VWA8: variants seen among roughly 807,000 people sequenced by gnomAD.
VWA8 encodes the protein von Willebrand factor A domain-containing protein 8.
A neutral mutation model predicts 241.5 loss-of-function variants in VWA8; 221 were observed. The observed-to-expected ratio is 0.91, with a 90% CI of 0.82 to 1.02. VWA8 has a LOEUF of 1.02. Among genes scored for constraint, VWA8 ranks in the 50% least tolerant of loss-of-function variants. The probability of loss-of-function intolerance (pLI) is 0.00; values close to 1 mark genes in which losing one functional copy is unlikely to be tolerated. For missense variants in VWA8, 2,322 were observed against 2,328.7 expected, an observed-to-expected ratio of 1.00 and a Z score of 0.06; for synonymous variants, 852 against 827.1, an observed-to-expected ratio of 1.03 and a Z score of -0.52.
In VWA8 at chr13:41,581,245, G is replaced by A. The variant is rs562880762; in HGVS notation, c.5272-5407C>T. On this transcript the variant is annotated intron_variant, in intron 42 of 44. Transcript: ENST00000379310. ...TCTCGATCTCCTGACCTCGTGATCC[G>A]CCCGCCTCGGCCTCCCAAAGTGCTG... 1.0e-3 allele frequency among the ~76,000 whole-genome samples: 80 copies of A among 76,752 alleles called. 11 individuals are homozygous for A. The highest frequency in any genetic ancestry group is 2.2e-3 in the South Asian group (5 of 2,264). 50.4% of individuals were successfully genotyped at this position (76,752 alleles called of 152,430 possible).
At chr13:41,791,106 T>C (rs1382505163) in intron 17 of VWA8, among the ~76,000 whole-genome samples, 1 of 150,806 alleles carries the variant, frequency 6.6e-6, no homozygotes. Flanking sequence ...TGATTCAATA[T>C]AAAATGAGTT....
chr13:41,667,542 G>A (rs1323799584), intron 37 of VWA8, among the ~76,000 whole-genome samples: 1 of 152,098 alleles, frequency 6.6e-6, no homozygotes, highest in Non-Finnish European at 1.5e-5. Flanking sequence ...GATCCTACCA[G>A]CAATATACAG....
At chr13:41,894,750 A>C (rs1875015764) in intron 4 of VWA8, among the ~76,000 whole-genome samples, 1 of 152,260 alleles carries the variant, frequency 6.6e-6, no homozygotes. Context: ...CCAAGTGATC[A>C]AAGTCAATGT....
chr13:41,898,244 G>A (rs1279153899), intron 4 of VWA8, among the ~76,000 whole-genome samples: 1 of 151,984 alleles, frequency 6.6e-6, no homozygotes, highest in Non-Finnish European at 1.5e-5. Flanking sequence ...GTCGATTGGT[G>A]CACTCACAAA....
intron 1 of VWA8, among the ~76,000 whole-genome samples, chr13:41,951,577 GCTCT>G (rs546904012): frequency 5.0e-4 from 76 of 152,234 alleles, no homozygotes; most frequent in South Asian, 1.0e-3. Context: ...TCCCCGCTGT[GCTCT>G]CTCTAACAGC....
chr13:41,900,987 C>G (rs560857816), intron 4 of VWA8, among the ~76,000 whole-genome samples: 96 of 152,060 alleles, frequency 6.3e-4, no homozygotes, highest in Non-Finnish European at 1.1e-3. Context: ...TGGTGCTTAT[C>G]TCATAGACTG....
At chr13:41,685,468 C>A (rs539217013) in intron 34 of VWA8, among the ~76,000 whole-genome samples, 38 of 152,138 alleles carry the variant, frequency 2.5e-4, no homozygotes, top group Middle Eastern at 3.4e-3. Flanking sequence ...CTGGCCTGGG[C>A]AACATAGTGA....
intron 20 of VWA8, among the ~76,000 whole-genome samples, chr13:41,772,223 TG>T (rs1382277317): frequency 2.0e-5 from 3 of 152,164 alleles, no homozygotes; most frequent in African/African-American, 7.2e-5. Flanking sequence ...AAAAGAAATA[TG>T]GCACTTATGG....
intron 2 of VWA8, among the ~76,000 whole-genome samples, chr13:41,948,144 A>G (rs1877951896): frequency 6.6e-6 from 1 of 152,098 alleles, no homozygotes; most frequent in Admixed American, 6.5e-5. Context: ...CCATCAACTG[A>G]TGAAAGGATA....
At chr13:41,744,941 C>G (rs766485794) in intron 21 of VWA8, among the ~76,000 whole-genome samples, 1 of 151,960 alleles carries the variant, frequency 6.6e-6, no homozygotes, top group Non-Finnish European at 1.5e-5. Flanking sequence ...GGGTTCACGC[C>G]ATTCTCCTGC....
chr13:41,701,570 G>T, intron 27 of VWA8, 40 bp from the exon 28 acceptor site: 2 of 1,485,818 alleles, frequency 1.3e-6, no homozygotes, highest in South Asian at 1.4e-5. Flanking sequence ...TATTTTGGTT[G>T]TCACCAAAAT....
intron 40 of VWA8, among the ~76,000 whole-genome samples, chr13:41,604,369 C>T (rs1313201192): frequency 6.6e-6 from 1 of 151,986 alleles, no homozygotes; most frequent in Non-Finnish European, 1.5e-5. Flanking sequence ...TGAAATTAGA[C>T]ATCTGTTTAA....
intron 9 of VWA8, among the ~76,000 whole-genome samples, chr13:41,872,807 T>C (rs1873698653): frequency 6.6e-6 from 1 of 152,174 alleles, no homozygotes; most frequent in African/African-American, 2.4e-5. Context: ...TTTGGTTCCA[T>C]ATGAACTTTA....
intron 12 of VWA8, among the ~76,000 whole-genome samples, chr13:41,856,364 T>C (rs1043211360): frequency 6.6e-6 from 1 of 151,938 alleles, no homozygotes; most frequent in Non-Finnish European, 1.5e-5. Flanking sequence ...CAAAACAAAA[T>C]ATTCACAAGA....
At chr13:41,835,355 C>T (rs1871673691) in intron 12 of VWA8, among the ~76,000 whole-genome samples, 2 of 152,090 alleles carry the variant, frequency 1.3e-5, no homozygotes, top group Admixed American at 6.5e-5. Context: ...AGCAACTTCC[C>T]ATAAACTTAA....
intron 37 of VWA8, among the ~76,000 whole-genome samples, chr13:41,641,027 G>C (rs940734741): frequency 1.3e-5 from 2 of 152,032 alleles, no homozygotes; most frequent in Non-Finnish European, 2.9e-5. Context: ...ATTCTGTCCT[G>C]ATTTCCGATA....
At chr13:41,862,980 G>GA (rs1187024012) in intron 12 of VWA8, among the ~76,000 whole-genome samples, 3 of 152,178 alleles carry the variant, frequency 2.0e-5, no homozygotes, top group Admixed American at 6.5e-5. Context: ...GCAGCACTGT[G>GA]ATGGTTAATA....
At chr13:41,775,881 A>C (rs554288732) in intron 20 of VWA8, among the ~76,000 whole-genome samples, 57 of 152,266 alleles carry the variant, frequency 3.7e-4, no homozygotes, top group African/African-American at 1.3e-3. Flanking sequence ...AGAGGTTAAA[A>C]CATTCTTCCT....
intron 21 of VWA8, among the ~76,000 whole-genome samples, chr13:41,733,734 A>G (rs569610819): frequency 6.6e-6 from 1 of 152,254 alleles, no homozygotes; most frequent in African/African-American, 2.4e-5. Context: ...TACTGCAAGT[A>G]CTTATTTTAC....
Sources: allele counts gnomAD v4.1 joint callset (sites outside exome capture counted in the v4.1 genomes callset), GRCh38; gene constraint gnomAD v4.1.1; transcripts MANE v1.5; gene names NCBI Gene and HGNC (gene_info 2026-07-23, HGNC 2026-07-21).